The following USP22 variants were observed in gnomAD, a reference collection of about 807,000 sequenced individuals.
USP22 encodes ubiquitin carboxyl-terminal hydrolase 22.
In USP22, 22 loss-of-function variants were observed where a neutral mutation model predicts 68.1. The observed-to-expected ratio is 0.32, with a 90% CI of 0.23 to 0.46. The LOEUF is 0.46. Ranked by LOEUF, USP22 falls within the 20% of genes least tolerant of loss-of-function variation. The probability of loss-of-function intolerance (pLI) is 1.00; values close to 1 mark genes in which losing one functional copy is unlikely to be tolerated. For synonymous variants in USP22, 279 were observed against 274.2 expected, an observed-to-expected ratio of 1.02 and a Z score of -0.17; for missense variants, 433 against 695.8, an observed-to-expected ratio of 0.62 and a Z score of 4.25.
intron 1 of USP22, among the ~76,000 whole-genome samples, chr17:21,040,385 CA>C (rs1972411976): frequency 6.6e-6 from 1 of 152,176 alleles, no homozygotes; most frequent in Non-Finnish European, 1.5e-5. Flanking sequence ...TAAGTCCCCC[CA>C]GTCAGAGGAA....
intron 1 of USP22, chr17:21,042,401 A>C: frequency 7.2e-6 from 1 of 138,918 alleles, no homozygotes; most frequent in Non-Finnish European, 1.3e-5. Context: ...GACAGAGAGG[A>C]GGGGGAGGGA....
chr17:21,012,003 C>T (rs978128725), intron 7 of USP22, among the ~76,000 whole-genome samples: 1 of 152,144 alleles, frequency 6.6e-6, no homozygotes, highest in South Asian at 2.1e-4. Flanking sequence ...AAATGGCCCC[C>T]GTGACACAGG....
chr17:21,042,978 T>C lies in USP22; in HGVS notation c.-143A>G. 1 of 418,188 alleles carries C rather than the reference T, an allele frequency of 2.4e-6. No homozygotes were observed. Among genetic ancestry groups the C allele is most frequent in the African/African-American group, 2.1e-5 (1 of 47,646 alleles). 25.9% of individuals were successfully genotyped at this position (418,188 alleles called of 1,614,324 possible). On this transcript the variant is annotated 5_prime_UTR_variant, in exon 1 of 13. Coordinates refer to ENST00000261497, the MANE Select transcript of USP22 (RefSeq NM_015276.2). ...ACAAAGCGCGGAGGCCGGACAAAGA[T>C]GGGGCTGCGCGATCGCCGAGGGGAG...
Position 21,016,000 on chromosome 17 carries a change from G to A in USP22, c.691-101C>T, listed in dbSNP as rs1567793250. Reference sequence around the variant, plus strand: ...CTTTATCAGATGCCTACCATTGGCTGTGGCTCATTTGACACAAATGTTTGG... The same window carrying A: ...CTTTATCAGATGCCTACCATTGGCTATGGCTCATTTGACACAAATGTTTGG... On this transcript the variant is annotated intron_variant, in intron 5 of 12. Transcript: ENST00000261497. 3.6e-6 allele frequency: 5 copies of A among 1,401,244 alleles called. No homozygotes were observed. The East Asian group carries it at 7.9e-5, about 22-fold the overall frequency. The allele number at this position is 1,401,244 out of a possible 1,614,324, so 86.8% of individuals were successfully genotyped here.
At chr17:21,028,423 G>A (rs554967936) in intron 2 of USP22, 119 bp downstream of exon 2, 8 of 1,445,680 alleles carry the variant, frequency 5.5e-6, no homozygotes, top group East Asian at 4.6e-5. Context: ...TGAGGGGCAC[G>A]CATTACTTGA....
intron 1 of USP22, among the ~76,000 whole-genome samples, chr17:21,035,862 C>T (rs1972346874): frequency 1.3e-5 from 2 of 151,706 alleles, no homozygotes; most frequent in African/African-American, 4.8e-5. Context: ...AACCCAGTCT[C>T]TACTAAAAAT....
At chr17:21,020,244 C>CAAAAAAAAAAACAAAAAA (rs1972136476) in intron 3 of USP22, among the ~76,000 whole-genome samples, 2 of 73,254 alleles carry the variant, frequency 2.7e-5, no homozygotes, top group Non-Finnish European at 5.0e-5. Flanking sequence ...AATCAAAAAC[C>CAAAAAAAAAAACAAAAAA]AAAAAAAAAA....
In USP22 at chr17:21,015,950, A is replaced by AAC. The variant is rs771141714; in HGVS notation, c.691-53_691-52dup. 1.9e-6 allele frequency: 3 copies of AAC among 1,592,376 alleles called. No individual in the cohort carries two copies. The Admixed American group carries it at 5.2e-5, about 28-fold the overall frequency. On this transcript the variant is annotated intron_variant, in intron 5 of 12. Transcript: ENST00000261497. ...TTGTCAGGAATAAATGTAGACTCTG[A>AAC]ACACAGAGTACACACAATCAAAACC...
chr17:21,017,811 A>G lies in USP22; in HGVS notation c.690+131T>C, dbSNP rs994392874. Reference sequence around the variant, plus strand: ...ACTGTGTTTTCCATAATAGACATGTATATTAAACATTAACTTACTACAAAA... The same window carrying G: ...ACTGTGTTTTCCATAATAGACATGTGTATTAAACATTAACTTACTACAAAA... On this transcript the variant is annotated intron_variant, in intron 5 of 12. Coordinates refer to ENST00000261497, the MANE Select transcript of USP22 (RefSeq NM_015276.2). The G allele has an allele frequency of 7.8e-6, 9 of 1,157,698 alleles. No homozygotes were observed. In the South Asian group the frequency reaches 7.8e-5, roughly 10 times the overall value. The allele number at this position is 1,157,698 out of a possible 1,614,324, so 71.7% of individuals were successfully genotyped here.
chr17:21,008,872 C>T (rs1400871673), intron 8 of USP22, among the ~76,000 whole-genome samples: 2 of 152,018 alleles, frequency 1.3e-5, no homozygotes, highest in South Asian at 2.1e-4. Flanking sequence ...AGGTGGATCA[C>T]CTGAGGTTGG....
At chr17:21,037,375 A>C (rs9898265) in intron 1 of USP22, among the ~76,000 whole-genome samples, 1 of 152,050 alleles carries the variant, frequency 6.6e-6, no homozygotes, top group Non-Finnish European at 1.5e-5. Context: ...GAGTCACTCC[A>C]CAGTGGAGAA....
At chr17:21,018,443 C>T in intron 4 of USP22, 1 of 184,554 alleles carries the variant, frequency 5.4e-6, no homozygotes. Flanking sequence ...AGGGCCAGGG[C>T]AGGGGCTCAT....
chr17:21,014,069 A>T (rs1914056147), intron 6 of USP22, among the ~76,000 whole-genome samples: 1 of 152,206 alleles, frequency 6.6e-6, no homozygotes, highest in Non-Finnish European at 1.5e-5. Flanking sequence ...CGAGACTCTG[A>T]CTCAAAAACA....
upstream of USP22, chr17:21,043,121 T>TCCCCCC (rs1277714053): frequency 1.8e-4 from 5 of 27,742 alleles, no homozygotes; most frequent in Non-Finnish European, 2.2e-4. Flanking sequence ...GGAGATTACG[T>TCCCCCC]CACCCCCCCC....
chr17:21,024,646 GACACAAA>G (rs1275919167), intron 2 of USP22, among the ~76,000 whole-genome samples: 3 of 152,162 alleles, frequency 2.0e-5, no homozygotes, highest in Admixed American at 6.5e-5. Flanking sequence ...TCTTAGATCT[GACACAAA>G]ACCATCAGCA....
At chr17:21,020,983 G>A (rs1972149888) in intron 3 of USP22, 130 bp downstream of exon 3, 1 of 692,764 alleles carries the variant, frequency 1.4e-6, no homozygotes, top group Non-Finnish European at 2.6e-6. Flanking sequence ...CTTAGGGGAA[G>A]GTGGGGACGG....
chr17:21,039,373 T>A (rs1972398470), intron 1 of USP22, among the ~76,000 whole-genome samples: 1 of 151,162 alleles, frequency 6.6e-6, no homozygotes, highest in Non-Finnish European at 1.5e-5. Context: ...AGGTTGGGAG[T>A]TCGAGACCAG....
chr17:21,030,597 G>A (rs957979288), intron 1 of USP22, among the ~76,000 whole-genome samples: 4 of 152,182 alleles, frequency 2.6e-5, no homozygotes, highest in African/African-American at 4.8e-5. Context: ...ACATGGCGGC[G>A]CCTGTGGCGT....
chr17:21,040,695 C>A (rs996736603), intron 1 of USP22, among the ~76,000 whole-genome samples: 1 of 151,140 alleles, frequency 6.6e-6, no homozygotes, highest in Admixed American at 6.6e-5. Flanking sequence ...TTAAAAAATA[C>A]CAGAGGGGGG....
Sources: gnomAD v4.1 joint callset for allele counts (sites outside exome capture counted in the v4.1 genomes callset) on GRCh38, gnomAD v4.1.1 for gene constraint, MANE v1.5 for transcripts, NCBI Gene and HGNC (gene_info 2026-07-23, HGNC 2026-07-21) for gene names.